The following SLC13A3 variants were observed in gnomAD, a reference collection of about 807,000 sequenced individuals.
The protein encoded by SLC13A3 is solute carrier family 13 member 3.
SLC13A3 carries 40 observed loss-of-function variants against 59.0 expected under a neutral mutation model. The observed-to-expected ratio is 0.68, with a 90% CI of 0.53 to 0.88. The LOEUF (loss-of-function observed/expected upper bound fraction) is 0.88. SLC13A3 is among the 40% of genes least tolerant of loss of function. SLC13A3 has a pLI of 0.00. For missense variants in SLC13A3, 699 were observed against 783.2 expected (o/e 0.89, Z 1.28); for synonymous variants, 317 against 330.3 (o/e 0.96, Z 0.44).
chr20:46,673,950 A>T (rs965915473), upstream of SLC13A3, among the ~76,000 whole-genome samples: 2 of 152,256 alleles, frequency 1.3e-5, no homozygotes, highest in African/African-American at 4.8e-5. Flanking sequence ...TACAACAGTG[A>T]TCAAATCAGA....
At chr20:46,623,843 T>C (rs188242644) in intron 1 of SLC13A3, among the ~76,000 whole-genome samples, 2 of 152,340 alleles carry the variant, frequency 1.3e-5, no homozygotes, top group East Asian at 1.9e-4. Flanking sequence ...ATTTTACTGA[T>C]GGGACATGGA....
In SLC13A3 at chr20:46,575,630, C is replaced by T. The variant is rs1345292515; in HGVS notation, c.1275G>A (p.Val425=). Residue 425 remains valine, a synonymous_variant, in exon 10 of 13, where the codon GTG becomes GTA. Transcript: ENST00000279027. ...CCAGGAGAAGGATGATGTTCCAGGG[C>T]ACTGTCTCCTGGGCCTTCTTCCAGG... is the stretch of plus-strand genomic sequence containing the variant. ...LLTWKKAQET[V]PWNIILLLGG... is the part of the protein sequence containing the mutation. The T allele has an allele frequency of 6.2e-7, 1 of 1,606,626 alleles. No homozygotes were observed. Among genetic ancestry groups the T allele is most frequent in the East Asian group, 2.2e-5 (1 of 44,570 alleles).
At chr20:46,611,247 T>A (rs1388274094) in intron 2 of SLC13A3, among the ~76,000 whole-genome samples, 2 of 152,228 alleles carry the variant, frequency 1.3e-5, no homozygotes, top group African/African-American at 4.8e-5. Flanking sequence ...TTCCTATAGA[T>A]TTATTCTGTT....
intron 1 of SLC13A3, among the ~76,000 whole-genome samples, chr20:46,646,721 T>C (rs2122871963): frequency 6.6e-6 from 1 of 152,302 alleles, no homozygotes; most frequent in Non-Finnish European, 1.5e-5. Flanking sequence ...CTAAAACATA[T>C]TTTCAGCATT....
chr20:46,586,067 T>A (rs979723016), intron 8 of SLC13A3, among the ~76,000 whole-genome samples: 10 of 152,230 alleles, frequency 6.6e-5, no homozygotes, highest in African/African-American at 2.4e-5. Flanking sequence ...ATGCAAAATA[T>A]CTCACTAATA....
intron 8 of SLC13A3, chr20:46,584,376 A>G (rs913664399): frequency 4.6e-5 from 45 of 985,318 alleles, no homozygotes; most frequent in Non-Finnish European, 4.9e-5. Flanking sequence ...CATTGGACAC[A>G]ATTCAATAAG....
chr20:46,662,089 C>G (rs1277117942), intron 1 of SLC13A3, among the ~76,000 whole-genome samples: 1 of 152,162 alleles, frequency 6.6e-6, no homozygotes, highest in African/African-American at 2.4e-5. Flanking sequence ...CCATGGCAGT[C>G]TCCTCTTTCT....
At chr20:46,632,268 G>A (rs141471720) in intron 1 of SLC13A3, among the ~76,000 whole-genome samples, 12 of 152,308 alleles carry the variant, frequency 7.9e-5, no homozygotes, top group Non-Finnish European at 1.0e-4. Flanking sequence ...ATGGTATCCC[G>A]TTGCCCAGGA....
At chr20:46,625,766 TGAA>T (rs1258630509) in intron 1 of SLC13A3, among the ~76,000 whole-genome samples, 5 of 152,246 alleles carry the variant, frequency 3.3e-5, no homozygotes, top group African/African-American at 9.6e-5. Flanking sequence ...AGAATGAGCT[TGAA>T]GTGTGTCTGG....
intron 1 of SLC13A3, among the ~76,000 whole-genome samples, chr20:46,668,327 A>G (rs1012783540): frequency 6.6e-5 from 10 of 152,372 alleles, no homozygotes; most frequent in Admixed American, 3.9e-4. Flanking sequence ...TGCTACTCCA[A>G]TGAACACATG....
At chr20:46,577,022 TGC>T (rs2062083966) in intron 9 of SLC13A3, among the ~76,000 whole-genome samples, 3 of 146,948 alleles carry the variant, frequency 2.0e-5, no homozygotes, top group African/African-American at 7.6e-5. Flanking sequence ...CACAGGTGTA[TGC>T]AGCCCGCAGG....
chr20:46,611,250 A>T (rs568471977), intron 2 of SLC13A3, among the ~76,000 whole-genome samples: 90 of 152,270 alleles, frequency 5.9e-4, no homozygotes, highest in Admixed American at 9.1e-4. Context: ...CTATAGATTT[A>T]TTCTGTTTCA....
chr20:46,563,251 C>T (rs1666632763), intron 12 of SLC13A3, among the ~76,000 whole-genome samples, 163 bp downstream of exon 12: 1 of 152,216 alleles, frequency 6.6e-6, no homozygotes, highest in Non-Finnish European at 1.5e-5. Flanking sequence ...CAGGAATCAT[C>T]CCAGAGTCTC....
chr20:46,608,829 C>G (rs1285127603), intron 3 of SLC13A3: 1 of 1,509,676 alleles, frequency 6.6e-7, no homozygotes, highest in African/African-American at 1.4e-5. Context: ...TGATCCAAAG[C>G]CACAGGGGCA....
At chr20:46,649,400 T>C (rs1316689706) in intron 1 of SLC13A3, among the ~76,000 whole-genome samples, 1 of 152,186 alleles carries the variant, frequency 6.6e-6, no homozygotes, top group Non-Finnish European at 1.5e-5. Flanking sequence ...CCTCAAGTAG[T>C]AAATGCTCCC....
At chr20:46,652,398 CT>C (rs916093388), upstream of SLC13A3, among the ~76,000 whole-genome samples, 1 of 150,614 alleles carries the variant, frequency 6.6e-6, no homozygotes, top group African/African-American at 2.4e-5. Flanking sequence ...GTTTTTTTTT[CT>C]TTTTTTTGAG....
rs1033834777 is a variant in SLC13A3 at position 46,585,534 on chromosome 20, T to C, written c.1122-1865A>G. 3.0e-5 allele frequency: 31 copies of C among 1,028,180 alleles called. No homozygotes were observed. The African/African-American group carries it at 5.2e-4, about 17-fold the overall frequency. 63.7% of individuals were successfully genotyped at this position (1,028,180 alleles called of 1,614,324 possible). Reference sequence around the variant, plus strand: ...ATGTTTCATTGAGGTATAATTAACATGCAATAAAATGCACCCATTTTAAGG... The same window carrying C: ...ATGTTTCATTGAGGTATAATTAACACGCAATAAAATGCACCCATTTTAAGG... On this transcript the variant is annotated intron_variant, in intron 8 of 12. Transcript: ENST00000279027.
At chr20:46,632,606 G>A (rs1415818003) in intron 1 of SLC13A3, among the ~76,000 whole-genome samples, 1 of 152,164 alleles carries the variant, frequency 6.6e-6, no homozygotes, top group African/African-American at 2.4e-5. Flanking sequence ...AGATTGTCTG[G>A]GTTCCAATCC....
At chr20:46,594,949 G>A (rs1054602408) in intron 5 of SLC13A3, among the ~76,000 whole-genome samples, 4 of 152,038 alleles carry the variant, frequency 2.6e-5, no homozygotes, top group Non-Finnish European at 5.9e-5. Flanking sequence ...TGTTACTGAG[G>A]GTTGCACACA....
Sources: gnomAD v4.1 joint callset for allele counts (sites outside exome capture counted in the v4.1 genomes callset) on GRCh38, gnomAD v4.1.1 for gene constraint, MANE v1.5 for transcripts, NCBI Gene and HGNC (gene_info 2026-07-23, HGNC 2026-07-21) for gene names.